Variants in CGGBP1 observed in about 807,000 individuals in gnomAD.
CGGBP1 encodes CGG triplet repeat binding protein 1, also known as CGG triplet repeat-binding protein 1.
CGGBP1 carries 4 observed loss-of-function variants against 11.4 expected under a neutral mutation model. The observed-to-expected ratio is 0.35, with a 90% CI of 0.17 to 0.80. The LOEUF is 0.80. CGGBP1 is among the 30% of genes least tolerant of loss of function. The pLI is 0.52. For missense variants in CGGBP1, 135 were observed against 202.1 expected (o/e 0.67, Z 2.01); for synonymous variants, 76 against 74.1 (o/e 1.03, Z -0.13).
chr3:88,095,727 TC>T (rs1704020022), intron 2 of CGGBP1: 3 of 389,720 alleles, frequency 7.7e-6, no homozygotes, highest in Admixed American at 7.5e-5. Context: ...TTTTGACTTC[TC>T]CCCAGGCTTG....
chr3:88,054,964 G>A lies in CGGBP1; in HGVS notation c.*509C>T, dbSNP rs1706508762. On this transcript the variant is annotated 3_prime_UTR_variant, in exon 4 of 4. Transcript: ENST00000482016. ...AGTAAAACATAGTTTGAAATAAACAGTCATTTCTGCTAGGGATCTGAAGAT... is the reference window on the plus strand; with the variant it reads ...AGTAAAACATAGTTTGAAATAAACAATCATTTCTGCTAGGGATCTGAAGAT... 1 of 152,164 alleles carries A rather than the reference G, an allele frequency of 6.6e-6. No homozygotes were observed. The highest frequency in any genetic ancestry group is 2.1e-4 in the South Asian group (1 of 4,790). The allele number at this position is 152,164 out of a possible 1,614,324, so 9.4% of individuals were successfully genotyped here.
At chr3:88,099,301 A>G (rs1018308551) in intron 2 of CGGBP1, among the ~76,000 whole-genome samples, 2 of 152,212 alleles carry the variant, frequency 1.3e-5, no homozygotes, top group Non-Finnish European at 2.9e-5. Context: ...TTCAAGGAGA[A>G]CTGCAAATCA....
Position 88,139,836 on chromosome 3 carries a change from G to A in CGGBP1, c.-229+1134C>T, listed in dbSNP as rs763868413. 4 of 1,577,158 alleles carry A rather than the reference G, an allele frequency of 2.5e-6. 1 individual carries two copies. Among genetic ancestry groups the A allele is most frequent in the South Asian group, 2.3e-5 (2 of 86,798 alleles). ...TTATGACCTGAATCAAGAAACTTCA[G>A]TAATTCATAAAATCAATGGAACTGT... On this transcript the variant is annotated intron_variant, in intron 2 of 3. Coordinates refer to the CGGBP1 transcript ENST00000462901.
At chr3:88,080,711 G>T (rs556637922) in intron 2 of CGGBP1, among the ~76,000 whole-genome samples, 117 of 152,142 alleles carry the variant, frequency 7.7e-4, no homozygotes, top group African/African-American at 2.8e-3. Context: ...GTGCAAATAG[G>T]TAATAAAGTA....
chr3:88,125,316 TAATA>T (rs1258260085), intron 2 of CGGBP1, among the ~76,000 whole-genome samples: 2 of 152,142 alleles, frequency 1.3e-5, no homozygotes, highest in African/African-American at 4.8e-5. Flanking sequence ...AATCTAGATC[TAATA>T]AATGAGATTT....
intron 2 of CGGBP1, among the ~76,000 whole-genome samples, chr3:88,118,423 A>T (rs1705547159): frequency 6.6e-6 from 1 of 152,140 alleles, no homozygotes; most frequent in Admixed American, 6.6e-5. Flanking sequence ...AAGGAGTTGA[A>T]AAGCCCACCC....
At chr3:88,141,620 T>A in intron 1 of CGGBP1, 2 of 1,465,546 alleles carry the variant, frequency 1.4e-6, no homozygotes, top group Non-Finnish European at 1.8e-6. Flanking sequence ...AAAACTTGCA[T>A]TAACAGATGT....
chr3:88,064,374 C>T (rs931755588), intron 2 of CGGBP1, among the ~76,000 whole-genome samples: 24 of 152,124 alleles, frequency 1.6e-4, no homozygotes, highest in Non-Finnish European at 3.2e-4. Flanking sequence ...GATTATACCC[C>T]GTTTTTGTTT....
upstream of CGGBP1, among the ~76,000 whole-genome samples, chr3:88,061,745 A>T (rs111808579): frequency 0.01 from 1,567 of 152,260 alleles, 26 homozygotes; most frequent in African/African-American, 0.035. Flanking sequence ...CTAGTCGAAG[A>T]TTTCTTTTTA....
In CGGBP1 at chr3:88,130,654, T is replaced by C. The variant is rs1205074872; in HGVS notation, c.-229+10316A>G. 2.7e-5 allele frequency among the ~76,000 whole-genome samples: 4 copies of C among 150,126 alleles called. No homozygotes were observed. In the East Asian group the frequency reaches 5.9e-4, roughly 22 times the overall value. On this transcript the variant is annotated intron_variant, in intron 2 of 3. Transcript: ENST00000462901. ...TTTTTTTGGTAGAGATGGGGATTCATTGTTTTGCCCAGGCCGGTTTGGAAC... is the reference window on the plus strand; with the variant it reads ...TTTTTTTGGTAGAGATGGGGATTCACTGTTTTGCCCAGGCCGGTTTGGAAC...
At chr3:88,099,584 G>A (rs1704280586) in intron 2 of CGGBP1, among the ~76,000 whole-genome samples, 1 of 152,130 alleles carries the variant, frequency 6.6e-6, no homozygotes, top group African/African-American at 2.4e-5. Flanking sequence ...ATACTACAAG[G>A]CTACAGTAAC....
chr3:88,059,298 C>T, upstream of CGGBP1: 1 of 1,531,922 alleles, frequency 6.5e-7, no homozygotes, highest in African/African-American at 1.4e-5. Context: ...GGGGCTGGTA[C>T]GCGCTGGGCG....
intron 2 of CGGBP1, among the ~76,000 whole-genome samples, chr3:88,125,514 GC>G (rs1706048011): frequency 6.7e-6 from 1 of 150,326 alleles, no homozygotes; most frequent in Non-Finnish European, 1.5e-5. Flanking sequence ...TAAATCTAAA[GC>G]AAAGTAGAGG....
At chr3:88,145,108 AATG>A (rs1242818785) in intron 1 of CGGBP1, among the ~76,000 whole-genome samples, 7 of 152,074 alleles carry the variant, frequency 4.6e-5, no homozygotes, top group Non-Finnish European at 8.8e-5. Flanking sequence ...TTACAATATA[AATG>A]ATGATGAAAA....
At chr3:88,126,689 A>G (rs1266374872) in intron 2 of CGGBP1, among the ~76,000 whole-genome samples, 5 of 149,638 alleles carry the variant, frequency 3.3e-5, no homozygotes, top group Non-Finnish European at 7.4e-5. Context: ...TGGAACTCTG[A>G]ATTTTTGTCA....
chr3:88,060,802 C>T (rs1706833125), upstream of CGGBP1, among the ~76,000 whole-genome samples: 2 of 151,766 alleles, frequency 1.3e-5, no homozygotes, highest in African/African-American at 4.8e-5. Flanking sequence ...GAATTTCTTT[C>T]AATGCTTGTA....
chr3:88,127,739 A>G (rs1489363429), intron 2 of CGGBP1, among the ~76,000 whole-genome samples: 1 of 152,172 alleles, frequency 6.6e-6, no homozygotes, highest in Non-Finnish European at 1.5e-5. Flanking sequence ...TAGGCTGGGA[A>G]TTACATTAAA....
At chr3:88,111,735 T>C (rs1387200603) in intron 2 of CGGBP1, among the ~76,000 whole-genome samples, 16 of 151,994 alleles carry the variant, frequency 1.1e-4, no homozygotes, top group Admixed American at 8.5e-4. Context: ...TCAAATGGTA[T>C]GTGTACATTT....
intron 2 of CGGBP1, among the ~76,000 whole-genome samples, chr3:88,074,179 G>C (rs1239378289): frequency 1.3e-5 from 2 of 152,174 alleles, no homozygotes; most frequent in African/African-American, 4.8e-5. Flanking sequence ...TCCCCTTCTA[G>C]AGTATTACTT....
Sources: gnomAD v4.1 joint callset for allele counts (sites outside exome capture counted in the v4.1 genomes callset) on GRCh38, gnomAD v4.1.1 for gene constraint, MANE v1.5 for transcripts, NCBI Gene and HGNC (gene_info 2026-07-23, HGNC 2026-07-21) for gene names.